The following EPB41L5 variants were observed in gnomAD, a reference collection of about 807,000 sequenced individuals.
EPB41L5 encodes the protein band 4.1-like protein 5.
EPB41L5 carries 55 observed loss-of-function variants against 106.6 expected under a neutral mutation model. The ratio of observed to expected loss-of-function variants is 0.52; its 90% CI spans 0.42 to 0.65. EPB41L5 has a LOEUF of 0.65. Among genes scored for constraint, EPB41L5 ranks in the 30% least tolerant of loss-of-function variants. EPB41L5 has a pLI of 0.00. For synonymous variants in EPB41L5, 297 were observed against 306.7 expected (o/e 0.97, Z 0.33); for missense variants, 871 against 882.1 (o/e 0.99, Z 0.16).
intron 16 of EPB41L5, among the ~76,000 whole-genome samples, chr2:120,122,586 G>A (rs1685270941): frequency 6.6e-6 from 1 of 152,158 alleles, no homozygotes; most frequent in South Asian, 2.1e-4. Flanking sequence ...TAGCCTTGTA[G>A]TATAGTTTGA....
intron 2 of EPB41L5, among the ~76,000 whole-genome samples, chr2:120,022,341 AC>A (rs1243863450): frequency 7.9e-5 from 9 of 114,552 alleles, no homozygotes; most frequent in Admixed American, 3.6e-4. Flanking sequence ...CTAACCCCCC[AC>A]CCCCCGACAG....
intron 2 of EPB41L5, among the ~76,000 whole-genome samples, chr2:120,026,581 C>T (rs140814522): frequency 0.046 from 6,970 of 152,226 alleles, 229 homozygotes; most frequent in Non-Finnish European, 0.071. Flanking sequence ...GTTTGCCAGG[C>T]TAGTCTTGAA....
Position 120,093,284 on chromosome 2 carries a change from A to G in EPB41L5, c.1178+8A>G. The G allele has an allele frequency of 6.2e-7, 1 of 1,612,218 alleles. No homozygotes were observed. The highest frequency in any genetic ancestry group is 8.5e-7 in the Non-Finnish European group (1 of 1,178,350). On this transcript the variant is annotated splice_region_variant and intron_variant, in intron 14 of 24. Transcript: ENST00000263713. Reference sequence around the variant, plus strand: ...AAAACCTGAAGAACTTAGGTAAGTAATGTTTTGCAACTTAGGAATTGGTAT... The same window carrying G: ...AAAACCTGAAGAACTTAGGTAAGTAGTGTTTTGCAACTTAGGAATTGGTAT...
chr2:120,174,654 G>A (rs1379245848), intron 24 of EPB41L5, among the ~76,000 whole-genome samples, 187 bp from the exon 25 acceptor site: 1 of 152,172 alleles, frequency 6.6e-6, no homozygotes, highest in Non-Finnish European at 1.5e-5. Flanking sequence ...AATGAAATAA[G>A]CAGTGTTTAT....
chr2:120,121,359 C>A (rs965895733), intron 16 of EPB41L5, among the ~76,000 whole-genome samples: 2 of 152,124 alleles, frequency 1.3e-5, no homozygotes, highest in Non-Finnish European at 2.9e-5. Context: ...CCCCACTCCC[C>A]CTCCCGACAG....
In EPB41L5 at chr2:120,031,867, A is replaced by C. The variant is rs530785748; in HGVS notation, c.181-10139A>C. On this transcript the variant is annotated intron_variant, in intron 2 of 24. Coordinates refer to ENST00000263713, the MANE Select transcript of EPB41L5 (RefSeq NM_020909.4). ...GTTCATTAGAAGGGCGCAGTGTGGT[A>C]ACTCACATCTGTTATCCCAGCACCT... 3.3e-5 allele frequency among the ~76,000 whole-genome samples: 5 copies of C among 152,272 alleles called. No individual in the cohort carries two copies. In the South Asian group the frequency reaches 6.2e-4, roughly 19 times the overall value.
intron 24 of EPB41L5, among the ~76,000 whole-genome samples, chr2:120,172,364 A>AAGTT: frequency 6.6e-6 from 1 of 152,304 alleles, no homozygotes; most frequent in African/African-American, 2.4e-5. Flanking sequence ...TAGGAGGTCA[A>AAGTT]AGTTAAGAGA....
At chr2:120,113,292 A>T (rs1574696144) in intron 16 of EPB41L5, among the ~76,000 whole-genome samples, 1 of 152,348 alleles carries the variant, frequency 6.6e-6, no homozygotes, top group East Asian at 1.9e-4. Flanking sequence ...AGGCTTTCAG[A>T]AAATGGGAGT....
At chr2:120,157,380 T>C (rs1411373327) in intron 20 of EPB41L5, among the ~76,000 whole-genome samples, 1 of 150,906 alleles carries the variant, frequency 6.6e-6, no homozygotes, top group Non-Finnish European at 1.5e-5. Context: ...CTAAAAGGAC[T>C]GGAGAACCAA....
In EPB41L5 at chr2:120,075,505, A is replaced by G. The variant is rs1268140674; in HGVS notation, c.437A>G (p.Asp146Gly). 1.5e-5 allele frequency: 24 copies of G among 1,580,324 alleles called. No homozygotes were observed. Among genetic ancestry groups the G allele is most frequent in the Non-Finnish European group, 2.0e-5 (23 of 1,150,794 alleles). Residue 146 changes from aspartate (D) to glycine (G), a missense_variant, in exon 6 of 25, where the codon GAT (aspartate) becomes GGT (glycine). Asp to Gly is a moderately conservative substitution (Grantham distance 94, BLOSUM62 -1). Coordinates refer to ENST00000263713, the MANE Select transcript of EPB41L5 (RefSeq NM_020909.4). Reference protein sequence around the residue: ...RYLFVLQLKQDILSGKLDCPF... With the variant: ...RYLFVLQLKQGILSGKLDCPF... ...TTATTTGTTCTTCAGTTAAAACAAGATATTCTCAGTGGAAAGTGAGTATTA... is the reference window on the plus strand; with the variant it reads ...TTATTTGTTCTTCAGTTAAAACAAGGTATTCTCAGTGGAAAGTGAGTATTA...
chr2:120,030,484 C>T (rs1207837339), intron 2 of EPB41L5, among the ~76,000 whole-genome samples: 1 of 152,156 alleles, frequency 6.6e-6, no homozygotes, highest in Non-Finnish European at 1.5e-5. Context: ...CTCACTTTGA[C>T]CCCTATGATT....
intron 18 of EPB41L5, among the ~76,000 whole-genome samples, chr2:120,134,293 C>G (rs1287712671): frequency 6.6e-6 from 1 of 151,986 alleles, no homozygotes; most frequent in African/African-American, 2.4e-5. Context: ...TGAGTAGATT[C>G]CTACAGTTCC....
intron 20 of EPB41L5, among the ~76,000 whole-genome samples, chr2:120,147,597 C>A (rs946144290): frequency 3.9e-5 from 5 of 128,088 alleles, no homozygotes; most frequent in Non-Finnish European, 7.7e-5. Context: ...TGCACTCCAG[C>A]GTGGGCAACA....
chr2:120,104,653 C>G, intron 16 of EPB41L5: 2 of 986,404 alleles, frequency 2.0e-6, no homozygotes, highest in Middle Eastern at 5.2e-4. Context: ...CATGTCTAGG[C>G]ATAATATATC....
chr2:120,050,883 T>C (rs984729667), intron 3 of EPB41L5, among the ~76,000 whole-genome samples: 3 of 152,214 alleles, frequency 2.0e-5, no homozygotes. Context: ...AACAGTCAGG[T>C]CCCTCAGCTG....
intron 16 of EPB41L5, among the ~76,000 whole-genome samples, chr2:120,109,028 A>G (rs892928649): frequency 6.6e-6 from 1 of 152,154 alleles, no homozygotes; most frequent in African/African-American, 2.4e-5. Context: ...TCTTGTATTG[A>G]TATCTCTTTT....
At chr2:120,152,433 G>GTA (rs547992622) in intron 20 of EPB41L5, among the ~76,000 whole-genome samples, 1 of 151,916 alleles carries the variant, frequency 6.6e-6, no homozygotes, top group Non-Finnish European at 1.5e-5. Flanking sequence ...TAGGACTTTT[G>GTA]TATATATATT....
At chr2:120,082,094 C>G (rs1046068379) in intron 10 of EPB41L5, among the ~76,000 whole-genome samples, 1 of 152,040 alleles carries the variant, frequency 6.6e-6, no homozygotes, top group African/African-American at 2.4e-5. Context: ...AATTGAATAG[C>G]CTTTATTTCT....
intron 18 of EPB41L5, among the ~76,000 whole-genome samples, chr2:120,142,347 A>G (rs1248707301): frequency 6.6e-6 from 1 of 151,996 alleles, no homozygotes; most frequent in Non-Finnish European, 1.5e-5. Flanking sequence ...TAATTTCCTA[A>G]GGCAATCCAG....
Sources: gnomAD v4.1 joint callset for allele counts (sites outside exome capture counted in the v4.1 genomes callset) on GRCh38, gnomAD v4.1.1 for gene constraint, MANE v1.5 for transcripts, NCBI Gene and HGNC (gene_info 2026-07-23, HGNC 2026-07-21) for gene names.